RGS6: variants seen among roughly 807,000 people sequenced by gnomAD.
RGS6 encodes regulator of G-protein signaling 6.
Under a neutral mutation model 78.5 loss-of-function variants are expected in RGS6, and 30 were observed. The ratio of observed to expected loss-of-function variants is 0.38; its 90% CI spans 0.29 to 0.52. The LOEUF is 0.52. Among genes scored for constraint, RGS6 ranks in the 20% least tolerant of loss-of-function variants. The pLI, the probability that RGS6 is intolerant of heterozygous loss-of-function variation, is 0.85. For missense variants in RGS6, 495 were observed against 609.7 expected, an observed-to-expected ratio of 0.81 and a Z score of 1.98; for synonymous variants, 206 against 206.0, an observed-to-expected ratio of 1.00 and a Z score of 0.00.
chr14:71,959,703 G>A (rs1345534421), intron 1 of RGS6, among the ~76,000 whole-genome samples: 1 of 152,080 alleles, frequency 6.6e-6, no homozygotes, highest in East Asian at 1.9e-4. Flanking sequence ...GGTGGGGGTT[G>A]GGGTGGGATT....
At chr14:72,442,377 CTT>C (rs985511434) in intron 3 of RGS6, among the ~76,000 whole-genome samples, 26 of 152,256 alleles carry the variant, frequency 1.7e-4, no homozygotes, top group African/African-American at 6.0e-4. Flanking sequence ...CAATCAATCT[CTT>C]TTCACTGTTT....
At chr14:72,110,809 G>A (rs982874234) in intron 2 of RGS6, among the ~76,000 whole-genome samples, 1 of 152,174 alleles carries the variant, frequency 6.6e-6, no homozygotes, top group Non-Finnish European at 1.5e-5. Flanking sequence ...CAAGGACCAT[G>A]AGAGTCTGGG....
intron 15 of RGS6, among the ~76,000 whole-genome samples, chr14:72,520,021 A>C (rs1010305670): frequency 2.6e-5 from 4 of 152,348 alleles, no homozygotes; most frequent in African/African-American, 7.2e-5. Flanking sequence ...ACCCTCATCC[A>C]GCCTCAAAAA....
At position 72,535,228 on chromosome 14, in the gene RGS6, C is replaced by T. The variant is rs1033434959; in HGVS notation, c.1279-958C>T. Among the ~76,000 whole-genome samples, 6 of 152,270 alleles carry T rather than the reference C, an allele frequency of 3.9e-5. No individual in the cohort carries two copies. The East Asian group carries it at 1.2e-3, about 29-fold the overall frequency. ...AGGCCAGAATGTATAACAAATGCCC[C>T]TGGGAGCCGAGGAAAAGAGGCGGCA... On this transcript the variant is annotated intron_variant, in intron 15 of 17. Transcript: ENST00000553525.
At chr14:72,375,330 C>T (rs533788474) in intron 3 of RGS6, among the ~76,000 whole-genome samples, 1 of 152,288 alleles carries the variant, frequency 6.6e-6, no homozygotes, top group South Asian at 2.1e-4. Flanking sequence ...TATCTAGCTA[C>T]ATTGATGTCA....
At chr14:72,216,544 C>T (rs972155645) in intron 2 of RGS6, among the ~76,000 whole-genome samples, 1 of 152,240 alleles carries the variant, frequency 6.6e-6, no homozygotes, top group East Asian at 1.9e-4. Context: ...TGTAATAAGG[C>T]AATTTAAAGA....
At position 72,545,514 on chromosome 14, in the gene RGS6, C is replaced by T. The variant is rs912941301; in HGVS notation, c.1422+5420C>T. On this transcript the variant is annotated intron_variant, in intron 17 of 17. Coordinates refer to ENST00000553525, the MANE Select transcript of RGS6 (RefSeq NM_001204424.2). The stretch of plus-strand genomic sequence containing the variant: ...ACTTGGACTAGGTCGTCTCGATGGT[C>T]CCTTCCAGCTAGCGGTGTTCTGCAG... 7.2e-5 allele frequency among the ~76,000 whole-genome samples: 11 copies of T among 152,298 alleles called. No individual in the cohort carries two copies. The East Asian group carries it at 2.1e-3, about 29-fold the overall frequency.
intron 2 of RGS6, among the ~76,000 whole-genome samples, chr14:72,114,973 C>G (rs2095853663): frequency 1.3e-5 from 2 of 152,208 alleles, no homozygotes; most frequent in Middle Eastern, 3.2e-3. Flanking sequence ...GGAAGAATCA[C>G]AGAGGCACTA....
chr14:72,502,902 C>G (rs934272821), intron 13 of RGS6, among the ~76,000 whole-genome samples: 42 of 152,158 alleles, frequency 2.8e-4, no homozygotes, highest in African/African-American at 8.7e-4. Flanking sequence ...GAGATGGGGA[C>G]ATTGGATTAT....
chr14:72,181,765 G>A (rs2153699843), intron 2 of RGS6, among the ~76,000 whole-genome samples: 1 of 152,232 alleles, frequency 6.6e-6, no homozygotes. Context: ...AATAACATGA[G>A]GGTTTTTAGT....
chr14:72,515,379 T>C (rs1370720604), intron 14 of RGS6, among the ~76,000 whole-genome samples: 1 of 152,204 alleles, frequency 6.6e-6, no homozygotes, highest in Non-Finnish European at 1.5e-5. Flanking sequence ...TAAATTTGAT[T>C]CCGCGGCCTG....
the RGS6 span, among the ~76,000 whole-genome samples, chr14:71,881,631 A>G: frequency 1.3e-5 from 2 of 152,178 alleles, no homozygotes; most frequent in Admixed American, 1.3e-4. Flanking sequence ...ACCTTCCATC[A>G]TGATTGTGAG....
Position 72,352,134 on chromosome 14 carries a change from G to A in RGS6, c.124G>A (p.Gly42Arg). Reference sequence around the variant, plus strand: ...TACAAAGATGCAAGATGACAAGACAGGGGGTGTGCCCATCAGAACAGTCAA... The same window carrying A: ...TACAAAGATGCAAGATGACAAGACAAGGGGTGTGCCCATCAGAACAGTCAA... ...IITKMQDDKT[G>R]GVPIRTVKSF... Residue 42 changes from glycine to arginine, a missense_variant, in exon 3 of 18, where the codon GGG becomes AGG. Transcript: ENST00000553525. The A allele has an allele frequency of 2.5e-6, 4 of 1,613,444 alleles. No homozygotes were observed. The South Asian group carries it at 4.4e-5, about 18-fold the overall frequency.
chr14:72,518,385 C>T lies in RGS6; in HGVS notation c.1126C>T (p.Pro376Ser), dbSNP rs1173118060. 6.2e-7 allele frequency: 1 copy of T among 1,614,018 alleles called. No homozygotes were observed. The highest frequency in any genetic ancestry group is 8.5e-7 in the Non-Finnish European group (1 of 1,180,006). ...GGCTGTCCAAGATCTTAAGAAACAACCCCTACAGGATGTGGCCAAGAGGGT... is the reference window on the plus strand; with the variant it reads ...GGCTGTCCAAGATCTTAAGAAACAATCCCTACAGGATGTGGCCAAGAGGGT... ...WLAVQDLKKQPLQDVAKRVEE... is the reference protein window; with the variant it reads ...WLAVQDLKKQSLQDVAKRVEE... The change falls in exon 15 of 18, where the codon CCC (proline) becomes TCC (serine). Residue 376 changes from proline (P) to serine (S), a missense_variant. Pro to Ser is a moderately conservative substitution (Grantham distance 74). Transcript: ENST00000553525.
At chr14:72,152,307 C>T (rs1306730937) in intron 2 of RGS6, among the ~76,000 whole-genome samples, 1 of 151,066 alleles carries the variant, frequency 6.6e-6, no homozygotes, top group Non-Finnish European at 1.5e-5. Flanking sequence ...GACTCAAGTC[C>T]AGCAGGTAGA....
At chr14:72,149,285 TC>T (rs1477435756) in intron 2 of RGS6, among the ~76,000 whole-genome samples, 1 of 152,168 alleles carries the variant, frequency 6.6e-6, no homozygotes, top group African/African-American at 2.4e-5. Context: ...TAGCATCACT[TC>T]CATGGCATTC....
intron 2 of RGS6, among the ~76,000 whole-genome samples, chr14:72,212,183 A>G (rs1191604918): frequency 6.6e-6 from 1 of 152,188 alleles, no homozygotes; most frequent in Non-Finnish European, 1.5e-5. Context: ...TCAATTGCAC[A>G]CAGCTCCCTT....
At chr14:72,309,505 T>C (rs1010913651) in intron 2 of RGS6, among the ~76,000 whole-genome samples, 2 of 152,234 alleles carry the variant, frequency 1.3e-5, no homozygotes, top group Non-Finnish European at 2.9e-5. Flanking sequence ...CATGGGCTTT[T>C]CTAAGTTTTT....
intron 2 of RGS6, among the ~76,000 whole-genome samples, chr14:72,076,910 A>G (rs2094593884): frequency 6.6e-6 from 1 of 150,948 alleles, no homozygotes; most frequent in South Asian, 2.1e-4. Flanking sequence ...ATATATCCAA[A>G]TATACCTATA....
Sources: gnomAD v4.1 joint callset for allele counts (sites outside exome capture counted in the v4.1 genomes callset) on GRCh38, gnomAD v4.1.1 for gene constraint, MANE v1.5 for transcripts, NCBI Gene and HGNC (gene_info 2026-07-23, HGNC 2026-07-21) for gene names.